The following NTN1 variants were observed in gnomAD, a reference collection of about 807,000 sequenced individuals.
NTN1 encodes netrin 1.
Under a neutral mutation model 54.2 loss-of-function variants are expected in NTN1, and 11 were observed. The ratio of observed to expected loss-of-function variants is 0.20; its 90% CI spans 0.13 to 0.34. The LOEUF (loss-of-function observed/expected upper bound fraction) is 0.34, where lower values mean the gene tolerates loss of function less well. Ranked by LOEUF, NTN1 falls within the 10% of genes least tolerant of loss-of-function variation. NTN1 has a pLI of 1.00. For synonymous variants in NTN1, 371 were observed against 382.0 expected, an observed-to-expected ratio of 0.97 and a Z score of 0.33; for missense variants, 740 against 893.1, an observed-to-expected ratio of 0.83 and a Z score of 2.18.
chr17:9,192,022 TAAA>T (rs1000610554), intron 5 of NTN1, among the ~76,000 whole-genome samples: 2 of 147,300 alleles, frequency 1.4e-5, no homozygotes, highest in Non-Finnish European at 3.0e-5. Flanking sequence ...GTTTGGAAAA[TAAA>T]AAGTAATTAT....
intron 2 of NTN1, among the ~76,000 whole-genome samples, chr17:9,134,115 G>A (rs903153446): frequency 1.3e-5 from 2 of 151,284 alleles, no homozygotes; most frequent in African/African-American, 2.4e-5. Flanking sequence ...CATGTTGGCC[G>A]GCTGGTCTTG....
chr17:9,006,505 G>T, the NTN1 span, among the ~76,000 whole-genome samples: 6 of 152,154 alleles, frequency 3.9e-5, no homozygotes, highest in African/African-American at 1.4e-4. Context: ...TCCCAATCCG[G>T]AGCCAGGAGA....
chr17:9,098,010 GAATA>G (rs2092137590), intron 2 of NTN1, among the ~76,000 whole-genome samples: 1 of 152,010 alleles, frequency 6.6e-6, no homozygotes, highest in Non-Finnish European at 1.5e-5. Context: ...TGTAAACTAA[GAATA>G]AATAGGTTCT....
At chr17:9,141,241 G>A (rs1190385708) in intron 2 of NTN1, among the ~76,000 whole-genome samples, 3 of 151,754 alleles carry the variant, frequency 2.0e-5, no homozygotes, top group Non-Finnish European at 4.4e-5. Flanking sequence ...GGGAGATAGC[G>A]AAGTAAGAGG....
intron 2 of NTN1, among the ~76,000 whole-genome samples, chr17:9,086,061 A>G (rs1305568509): frequency 6.6e-6 from 1 of 152,204 alleles, no homozygotes; most frequent in East Asian, 1.9e-4. Flanking sequence ...TTATGAAAGC[A>G]ACTTCATAAA....
chr17:9,045,606 AT>A (rs2091939280), intron 2 of NTN1, among the ~76,000 whole-genome samples: 1 of 152,234 alleles, frequency 6.6e-6, no homozygotes, highest in Non-Finnish European at 1.5e-5. Flanking sequence ...AAGGCTGAAA[AT>A]TAATGAGCTA....
At chr17:9,003,507 C>T in the NTN1 span, among the ~76,000 whole-genome samples, 1 of 150,042 alleles carries the variant, frequency 6.7e-6, no homozygotes, top group African/African-American at 2.4e-5. This position sits in a 1 kb window ranked among gnomAD's most constrained non-coding sequence, Gnocchi z 7.4. Flanking sequence ...TTCCTGCCCG[C>T]CCGGGTCCTT....
intron 2 of NTN1, among the ~76,000 whole-genome samples, chr17:9,150,896 G>C (rs1010028028): frequency 6.6e-6 from 1 of 152,204 alleles, no homozygotes; most frequent in East Asian, 1.9e-4. Context: ...GCGGGAGAAA[G>C]AACCACAGGG....
At chr17:9,032,083 T>C (rs1314072404) in intron 2 of NTN1, among the ~76,000 whole-genome samples, 1 of 152,088 alleles carries the variant, frequency 6.6e-6, no homozygotes, top group Admixed American at 6.5e-5. Context: ...ACGTGTCCAC[T>C]TGCACTAACC....
chr17:9,198,049 G>A (rs10852912), intron 5 of NTN1, among the ~76,000 whole-genome samples: 70,311 of 152,006 alleles, frequency 0.46, 18,010 homozygotes, highest in South Asian at 0.59. Flanking sequence ...AGGTTATCGG[G>A]GCCCTGCTGT....
chr17:9,074,820 A>C (rs1457982246), intron 2 of NTN1, among the ~76,000 whole-genome samples: 1 of 152,212 alleles, frequency 6.6e-6, no homozygotes, highest in African/African-American at 2.4e-5. Flanking sequence ...AGCTGCCACT[A>C]TCTGGGAAAT....
At chr17:9,232,136 C>CCCCTTAAAGGGTCGGGGGGACA (rs1905836011) in intron 6 of NTN1, among the ~76,000 whole-genome samples, 1 of 152,142 alleles carries the variant, frequency 6.6e-6, no homozygotes, top group Non-Finnish European at 1.5e-5. Context: ...GTGGGCCCAG[C>CCCCTTAAAGGGTCGGGGGGACA]CCCTTAAAGG....
chr17:9,123,808 G>T (rs1022840653), intron 2 of NTN1, among the ~76,000 whole-genome samples: 1 of 152,082 alleles, frequency 6.6e-6, no homozygotes, highest in African/African-American at 2.4e-5. Context: ...TCACAGTTCT[G>T]ATTCTTGTAG....
chr17:9,098,557 G>C (rs929761865), intron 2 of NTN1, among the ~76,000 whole-genome samples: 7 of 152,252 alleles, frequency 4.6e-5, no homozygotes, highest in Non-Finnish European at 1.0e-4. Context: ...AACCTCATCT[G>C]TGAGGTTCCT....
In NTN1 at chr17:9,239,872, T is replaced by G; in HGVS notation, c.1719T>G (p.Asp573Glu). Reference protein sequence around the residue: ...DSPDQSGIVADKSSLVIQWRD... With the variant: ...DSPDQSGIVAEKSSLVIQWRD... Reference sequence around the variant, plus strand: ...CGGACCAGAGCGGCATCGTGGCCGATAAAAGCAGCCTGGTGATCCAGTGGC... The same window carrying G: ...CGGACCAGAGCGGCATCGTGGCCGAGAAAAGCAGCCTGGTGATCCAGTGGC... Residue 573 changes from aspartate to glutamate, a missense_variant, in exon 7 of 7, where the codon GAT (aspartate) becomes GAG (glutamate). Physicochemically the swap from Asp to Glu is conservative, Grantham distance 45 (BLOSUM62 2). Coordinates refer to ENST00000173229, the MANE Select transcript of NTN1 (RefSeq NM_004822.3). The surrounding 1 kb of genome is among the most constrained non-coding windows in gnomAD (Gnocchi z 5.2). 1.2e-6 allele frequency: 2 copies of G among 1,610,964 alleles called. No homozygotes were observed. The highest frequency in any genetic ancestry group is 1.7e-6 in the Non-Finnish European group (2 of 1,179,292).
At chr17:9,121,816 C>T (rs2092232469) in intron 2 of NTN1, among the ~76,000 whole-genome samples, 1 of 152,136 alleles carries the variant, frequency 6.6e-6, no homozygotes, top group South Asian at 2.1e-4. Flanking sequence ...TCCCCACACA[C>T]GTCCTTTTCT....
intron 5 of NTN1, among the ~76,000 whole-genome samples, chr17:9,215,250 T>TACACACACACACAC (rs58245153): frequency 4.0e-4 from 56 of 138,320 alleles, no homozygotes; most frequent in African/African-American, 1.5e-3. Context: ...GCTAGATAGA[T>TACACACACACACAC]ACACACACAC....
upstream of NTN1, among the ~76,000 whole-genome samples, chr17:9,020,878 C>T (rs889505562): frequency 1.3e-5 from 2 of 152,228 alleles, no homozygotes; most frequent in Admixed American, 6.5e-5. Flanking sequence ...CAGACAGGCT[C>T]ACGCACGGTG....
chr17:9,230,454 C>CCT (rs1555579401), intron 6 of NTN1, among the ~76,000 whole-genome samples: 1 of 8,270 alleles, frequency 1.2e-4, no homozygotes, highest in Non-Finnish European at 2.0e-4. Context: ...TGTGACCCCC[C>CCT]CCCCGAGTGC....
Sources: allele counts gnomAD v4.1 joint callset (sites outside exome capture counted in the v4.1 genomes callset), GRCh38; gene constraint gnomAD v4.1.1; non-coding constraint Gnocchi (gnomAD v3.1); transcripts MANE v1.5; gene names NCBI Gene and HGNC (gene_info 2026-07-23, HGNC 2026-07-21).